The following USH2A variants were observed in gnomAD, a reference collection of about 807,000 sequenced individuals.
USH2A encodes Usher syndrome 2A (autosomal recessive, mild).
USH2A carries 443 observed loss-of-function variants against 538.9 expected under a neutral mutation model. The observed-to-expected ratio is 0.82, with a 90% CI of 0.76 to 0.89. USH2A has a LOEUF of 0.89. Ranked by LOEUF, USH2A falls within the 40% of genes least tolerant of loss-of-function variation. The pLI is 0.00. For missense variants in USH2A, 6,633 were observed against 6,324.8 expected (o/e 1.05, Z -1.65); for synonymous variants, 2,413 against 2,273.5 (o/e 1.06, Z -1.75).
intron 2 of USH2A, among the ~76,000 whole-genome samples, chr1:216,419,264 A>G (rs1387561643): frequency 6.6e-6 from 1 of 152,110 alleles, no homozygotes; most frequent in Non-Finnish European, 1.5e-5. Flanking sequence ...CCTCTCCATG[A>G]CCGTACAGTC....
chr1:215,676,897 C>G (rs946138352), intron 62 of USH2A, among the ~76,000 whole-genome samples: 1 of 152,156 alleles, frequency 6.6e-6, no homozygotes, highest in Non-Finnish European at 1.5e-5. Context: ...AACACCCAAA[C>G]ATTTTTATTG....
intron 3 of USH2A, among the ~76,000 whole-genome samples, chr1:216,404,652 C>T (rs1328346116): frequency 3.8e-5 from 5 of 130,554 alleles, no homozygotes; most frequent in African/African-American, 1.4e-4. Context: ...GACAGGGTCT[C>T]ACTCTGTTGC....
intron 4 of USH2A, among the ~76,000 whole-genome samples, chr1:216,345,936 C>T (rs949338771): frequency 6.6e-6 from 1 of 152,102 alleles, no homozygotes; most frequent in Admixed American, 6.6e-5. Flanking sequence ...CTCTAGACTC[C>T]TTCTGGGAAG....
At chr1:216,232,309 G>C (rs1054891919) in intron 13 of USH2A, among the ~76,000 whole-genome samples, 173 bp from the exon 14 acceptor site, 1 of 152,128 alleles carries the variant, frequency 6.6e-6, no homozygotes, top group Non-Finnish European at 1.5e-5. Context: ...GAAAAACTGA[G>C]TAAATTATCT....
At chr1:215,803,264 G>T (rs4540627) in intron 49 of USH2A, among the ~76,000 whole-genome samples, 90,219 of 151,872 alleles carry the variant, frequency 0.59, 26,958 homozygotes, top group Admixed American at 0.69. Flanking sequence ...TTCAACATAG[G>T]GTTGGAAGTT....
intron 35 of USH2A, among the ~76,000 whole-genome samples, chr1:215,975,599 G>T (rs775294657): frequency 2.8e-4 from 42 of 152,046 alleles, no homozygotes; most frequent in Non-Finnish European, 5.0e-4. Flanking sequence ...TATTTTTGTT[G>T]ACTTTGTAAA....
chr1:216,286,501 G>A (rs1414350228), intron 11 of USH2A, among the ~76,000 whole-genome samples: 1 of 151,968 alleles, frequency 6.6e-6, no homozygotes, highest in Non-Finnish European at 1.5e-5. Flanking sequence ...GGCTGAGGTG[G>A]GTGGGATTTG....
intron 14 of USH2A, among the ~76,000 whole-genome samples, chr1:216,231,736 C>T (rs994085941): frequency 6.6e-6 from 1 of 151,826 alleles, no homozygotes; most frequent in Non-Finnish European, 1.5e-5. Context: ...TTAGTAAAGA[C>T]GGGGTTTCAC....
At chr1:216,062,701 C>T (rs569496024) in intron 30 of USH2A, among the ~76,000 whole-genome samples, 44 of 152,138 alleles carry the variant, frequency 2.9e-4, no homozygotes, top group Non-Finnish European at 5.7e-4. Context: ...GTGGCATAGG[C>T]GGAATTTGAC....
intron 11 of USH2A, among the ~76,000 whole-genome samples, chr1:216,254,019 T>G (rs891382074): frequency 6.6e-6 from 1 of 152,130 alleles, no homozygotes; most frequent in African/African-American, 2.4e-5. Context: ...CTCAAAAGTG[T>G]ATAATATTGC....
rs1216278591 is a variant in USH2A, at chr1:215,628,794, G to C, written c.15519+20C>G. 4 of 1,613,014 alleles carry C rather than the reference G, an allele frequency of 2.5e-6. No individual in the cohort carries two copies. Among genetic ancestry groups the C allele is most frequent in the Middle Eastern group, 3.3e-4 (2 of 6,052 alleles). On this transcript the variant is annotated intron_variant, in intron 71 of 71. Coordinates refer to ENST00000307340, the MANE Select transcript of USH2A (RefSeq NM_206933.4). ...TTCTGGGATATTTAGCAAAGGCCCT[G>C]TATGAGGAAACCAACTCACCAGTCC...
At chr1:216,260,622 G>A (rs1172065040) in intron 11 of USH2A, among the ~76,000 whole-genome samples, 2 of 152,102 alleles carry the variant, frequency 1.3e-5, no homozygotes, top group African/African-American at 4.8e-5. Flanking sequence ...ATGAATTAGA[G>A]GTATTCCACA....
chr1:216,112,023 T>G (rs1194742127), intron 21 of USH2A, among the ~76,000 whole-genome samples: 1 of 152,076 alleles, frequency 6.6e-6, no homozygotes, highest in Non-Finnish European at 1.5e-5. Flanking sequence ...ACTTTTTCTT[T>G]TTACTTGACT....
chr1:215,983,038 C>A (rs1278519974), intron 35 of USH2A, among the ~76,000 whole-genome samples: 1 of 152,178 alleles, frequency 6.6e-6, no homozygotes, highest in African/African-American at 2.4e-5. Flanking sequence ...GGAACCTCCG[C>A]CTCCCAGGTT....
At position 216,196,413 on chromosome 1, in the gene USH2A, CATAAT is replaced by C. The variant is rs1490277430; in HGVS notation, c.4251+135_4251+139del. On this transcript the variant is annotated intron_variant, in intron 19 of 71. Transcript: ENST00000307340. The stretch of plus-strand genomic sequence containing the variant: ...ACATACAAAGAGGGAGGCTTGTACA[CATAAT>C]ATTATATTAAGAAAAAATGCCCTGT... 4.8e-6 allele frequency: 4 copies of C among 840,232 alleles called. No homozygotes were observed. In the Admixed American group the frequency reaches 7.0e-5, roughly 15 times the overall value. The allele number at this position is 840,232 out of a possible 1,614,324, so 52.0% of individuals were successfully genotyped here. A position where few individuals can be genotyped will look rare whatever the true frequency, so the allele number is the denominator to read the frequency against.
intron 41 of USH2A, among the ~76,000 whole-genome samples, chr1:215,884,546 C>G (rs1250517228): frequency 6.6e-6 from 1 of 152,170 alleles, no homozygotes; most frequent in Non-Finnish European, 1.5e-5. Context: ...ATGACAATAG[C>G]ATCTATCTGA....
intron 21 of USH2A, among the ~76,000 whole-genome samples, chr1:216,160,654 T>G (rs1258002174): frequency 1.3e-5 from 2 of 152,136 alleles, no homozygotes; most frequent in Non-Finnish European, 2.9e-5. Flanking sequence ...ATTAACTATT[T>G]GGAAAATGTC....
At chr1:216,109,707 G>A (rs533754677) in intron 21 of USH2A, among the ~76,000 whole-genome samples, 1 of 152,170 alleles carries the variant, frequency 6.6e-6, no homozygotes, top group Non-Finnish European at 1.5e-5. Flanking sequence ...TATATTTTCA[G>A]TGGATTATCT....
At chr1:216,151,203 C>T (rs148204356) in intron 21 of USH2A, among the ~76,000 whole-genome samples, 65 of 152,238 alleles carry the variant, frequency 4.3e-4, no homozygotes, top group African/African-American at 1.5e-3. Context: ...TGACAGCTGC[C>T]GCCCTAGGTG....
Sources: allele counts gnomAD v4.1 joint callset (sites outside exome capture counted in the v4.1 genomes callset), GRCh38; gene constraint gnomAD v4.1.1; transcripts MANE v1.5; gene names NCBI Gene and HGNC (gene_info 2026-07-23, HGNC 2026-07-21).